Variants in NAV2 observed in about 807,000 individuals in gnomAD.
The protein encoded by NAV2 is helicase, APC down-regulated 1.
In NAV2, 54 loss-of-function variants were observed where a neutral mutation model predicts 223.2. The ratio of observed to expected loss-of-function variants is 0.24; its 90% confidence interval spans 0.19 to 0.30. The LOEUF is 0.30. NAV2 is among the 10% of genes least tolerant of loss of function. The pLI is 1.00. For missense variants in NAV2, 2,806 were observed against 3,147.5 expected (o/e 0.89, Z 2.60); for synonymous variants, 1,279 against 1,239.3 (o/e 1.03, Z -0.67).
chr11:19,523,096 C>T (rs923219673), intron 1 of NAV2, among the ~76,000 whole-genome samples: 1 of 152,264 alleles, frequency 6.6e-6, no homozygotes, highest in Non-Finnish European at 1.5e-5. Context: ...GAGAAGTCTG[C>T]AGCCAGGAGA....
chr11:19,718,903 A>G (rs2050530917), intron 1 of NAV2, among the ~76,000 whole-genome samples: 1 of 152,200 alleles, frequency 6.6e-6, no homozygotes, highest in Non-Finnish European at 1.5e-5. Flanking sequence ...TATTGAGCAC[A>G]TATAAGCACA....
At chr11:19,915,247 C>T (rs2043702833) in intron 6 of NAV2, among the ~76,000 whole-genome samples, 1 of 152,194 alleles carries the variant, frequency 6.6e-6, no homozygotes, top group Admixed American at 6.5e-5. Context: ...CAGTGGGGCA[C>T]TGGGGAGAAA....
intron 11 of NAV2, among the ~76,000 whole-genome samples, chr11:20,009,719 T>C (rs865995578): frequency 2.5e-4 from 38 of 152,126 alleles, no homozygotes; most frequent in Non-Finnish European, 3.5e-4. Context: ...ATTCTTCCCC[T>C]CCTTCTCCTC....
chr11:19,979,595 T>C (rs556020759), intron 10 of NAV2, among the ~76,000 whole-genome samples: 5 of 152,338 alleles, frequency 3.3e-5, no homozygotes, highest in Non-Finnish European at 5.9e-5. Context: ...CTCCCGTGTG[T>C]TCTCAAAGCC....
chr11:19,464,024 C>G (rs1188121082), intron 1 of NAV2, among the ~76,000 whole-genome samples: 1 of 152,174 alleles, frequency 6.6e-6, no homozygotes, highest in Admixed American at 6.5e-5. Flanking sequence ...TGTTTCTCCT[C>G]TGTGTGAAAA....
intron 1 of NAV2, among the ~76,000 whole-genome samples, chr11:19,618,612 G>A (rs985330170): frequency 1.2e-4 from 19 of 152,114 alleles, no homozygotes; most frequent in African/African-American, 4.3e-4. Context: ...CTCTACCATG[G>A]GCCTAGCCCT....
At chr11:19,385,994 G>A (rs1281196748) in intron 1 of NAV2, among the ~76,000 whole-genome samples, 2 of 152,046 alleles carry the variant, frequency 1.3e-5, no homozygotes, top group African/African-American at 4.8e-5. Context: ...TTGATCTCCT[G>A]ACCTCATGAT....
chr11:19,714,785 G>A (rs906599840), intron 1 of NAV2, among the ~76,000 whole-genome samples: 14 of 152,174 alleles, frequency 9.2e-5, no homozygotes, highest in Non-Finnish European at 1.8e-4. Flanking sequence ...ACAAGCCCTG[G>A]CCGTGCAATC....
intron 1 of NAV2, among the ~76,000 whole-genome samples, chr11:19,410,126 G>C (rs751604870): frequency 6.6e-6 from 1 of 152,174 alleles, no homozygotes; most frequent in African/African-American, 2.4e-5. Context: ...CTTCAGGGGG[G>C]CAGACAGAGG....
At chr11:19,900,334 T>C (rs572446767) in intron 6 of NAV2, among the ~76,000 whole-genome samples, 40 of 152,272 alleles carry the variant, frequency 2.6e-4, no homozygotes, top group African/African-American at 9.4e-4. Flanking sequence ...GAGAGGAGTT[T>C]TGGGGCCTTG....
intron 1 of NAV2, among the ~76,000 whole-genome samples, chr11:19,458,266 G>A (rs1852028666): frequency 6.6e-6 from 1 of 152,236 alleles, no homozygotes; most frequent in Non-Finnish European, 1.5e-5. Context: ...GGAGTAGGCA[G>A]TGCTTGTGCT....
At chr11:19,790,912 T>A (rs1326320609) in intron 1 of NAV2, among the ~76,000 whole-genome samples, 1 of 152,174 alleles carries the variant, frequency 6.6e-6, no homozygotes, top group African/African-American at 2.4e-5. Context: ...TTTTTTTTTT[T>A]TTATTTGTTA....
intron 10 of NAV2, among the ~76,000 whole-genome samples, chr11:19,976,055 A>G (rs2049710297): frequency 6.6e-6 from 1 of 152,238 alleles, no homozygotes. Flanking sequence ...GCGTGCAAAA[A>G]CATAGGAATC....
At chr11:19,789,128 A>G (rs887258357) in intron 1 of NAV2, among the ~76,000 whole-genome samples, 6 of 152,166 alleles carry the variant, frequency 3.9e-5, no homozygotes, top group African/African-American at 1.4e-4. Context: ...GAGAGACACC[A>G]TTTCTCTAGT....
intron 1 of NAV2, among the ~76,000 whole-genome samples, chr11:19,366,710 G>A (rs1848298114): frequency 6.6e-6 from 1 of 152,150 alleles, no homozygotes; most frequent in Non-Finnish European, 1.5e-5. Context: ...GTAAAATGAG[G>A]AGAATAGCAC....
At chr11:19,955,471 C>A (rs868280) in intron 10 of NAV2, among the ~76,000 whole-genome samples, 84,439 of 151,996 alleles carry the variant, frequency 0.56, 25,384 homozygotes, top group South Asian at 0.66. Flanking sequence ...TGAATTTGTG[C>A]CTATGATTGT....
chr11:19,833,256 A>G (rs1362567726), intron 2 of NAV2, among the ~76,000 whole-genome samples: 3 of 152,200 alleles, frequency 2.0e-5, no homozygotes, highest in Non-Finnish European at 2.9e-5. Flanking sequence ...TTACAGGTCA[A>G]TTGGACAGCA....
intron 6 of NAV2, among the ~76,000 whole-genome samples, chr11:19,911,031 A>ATT (rs996900212): frequency 0.017 from 2,125 of 123,354 alleles, 67 homozygotes; most frequent in African/African-American, 0.058. Context: ...TTGCAAGCAC[A>ATT]TTTTTTTTTT....
chr11:19,517,568 G>GT (rs1416959981), intron 1 of NAV2, among the ~76,000 whole-genome samples: 1 of 152,236 alleles, frequency 6.6e-6, no homozygotes, highest in African/African-American at 2.4e-5. Flanking sequence ...CAAAGAGGAG[G>GT]TGGTTGAGCA....
Sources: allele counts gnomAD v4.1 joint callset (sites outside exome capture counted in the v4.1 genomes callset), GRCh38; gene constraint gnomAD v4.1.1; transcripts MANE v1.5; gene names NCBI Gene and HGNC (gene_info 2026-07-23, HGNC 2026-07-21).